The following SLC24A2 variants were observed in gnomAD, a reference collection of about 807,000 sequenced individuals.
The protein encoded by SLC24A2 is sodium/potassium/calcium exchanger 2.
In SLC24A2, 36 loss-of-function variants were observed where a neutral mutation model predicts 62.0. The observed-to-expected ratio is 0.58, with a 90% CI of 0.44 to 0.77. The LOEUF is 0.77. Ranked by LOEUF, SLC24A2 falls within the 30% of genes least tolerant of loss-of-function variation. SLC24A2 has a pLI of 0.00. For synonymous variants in SLC24A2, 358 were observed against 294.0 expected (o/e 1.22, Z -2.23); for missense variants, 846 against 817.9 (o/e 1.03, Z -0.42).
At chr9:20,133,241 T>TACACAC in the SLC24A2 span, among the ~76,000 whole-genome samples, 2 of 150,994 alleles carry the variant, frequency 1.3e-5, no homozygotes, top group Non-Finnish European at 3.0e-5. Flanking sequence ...CATGTATGTA[T>TACACAC]ACACACACAC....
At chr9:19,595,208 G>A (rs1456179074) in intron 5 of SLC24A2, among the ~76,000 whole-genome samples, 4 of 152,182 alleles carry the variant, frequency 2.6e-5, no homozygotes, top group African/African-American at 7.2e-5. Context: ...GAAGTCACGT[G>A]ATAAAGAGAT....
the SLC24A2 span, among the ~76,000 whole-genome samples, chr9:20,121,163 T>C: frequency 5.3e-5 from 8 of 149,994 alleles, 1 homozygote; most frequent in East Asian, 2.0e-4. Flanking sequence ...GAAAAGCCTA[T>C]TGGGATTTCA....
the SLC24A2 span, among the ~76,000 whole-genome samples, chr9:20,053,955 G>A: frequency 1.3e-5 from 2 of 152,204 alleles, no homozygotes; most frequent in Non-Finnish European, 1.5e-5. Flanking sequence ...GCATGTGCAT[G>A]AGCAGCTTAA....
At chr9:19,967,841 G>A in the SLC24A2 span, 1 of 152,106 alleles carries the variant, frequency 6.6e-6, no homozygotes. Context: ...GCACCAGGTG[G>A]GAAAATACAG....
intron 2 of SLC24A2, among the ~76,000 whole-genome samples, chr9:19,648,383 T>G (rs762825281): frequency 2.0e-5 from 3 of 152,160 alleles, no homozygotes; most frequent in Non-Finnish European, 4.4e-5. Flanking sequence ...AAAAAACCCC[T>G]AAATCCCCTG....
At chr9:19,907,757 C>T in the SLC24A2 span, among the ~76,000 whole-genome samples, 1 of 152,174 alleles carries the variant, frequency 6.6e-6, no homozygotes, top group Middle Eastern at 3.4e-3. Context: ...GAATAAAATA[C>T]CTAGGAACCC....
Position 19,516,028 on chromosome 9 carries a change from C to T in SLC24A2, c.*125G>A. 8.3e-7 allele frequency: 1 copy of T among 1,210,500 alleles called. No homozygotes were observed. The highest frequency in any genetic ancestry group is 1.2e-6 in the Non-Finnish European group (1 of 816,998). 75.0% of individuals were successfully genotyped at this position (1,210,500 alleles called of 1,614,324 possible). A position where few individuals can be genotyped will look rare whatever the true frequency, so the allele number is the denominator to read the frequency against. The stretch of plus-strand genomic sequence containing the variant: ...GTGAATCCATCTCTCCTCAAATTCA[C>T]CAAGGAGGGACACTTGGCACCCAGG... On this transcript the variant is annotated 3_prime_UTR_variant, in exon 11 of 11. Coordinates refer to ENST00000341998, the MANE Select transcript of SLC24A2 (RefSeq NM_020344.4).
the SLC24A2 span, among the ~76,000 whole-genome samples, chr9:20,048,046 A>G: frequency 6.6e-6 from 1 of 152,150 alleles, no homozygotes; most frequent in South Asian, 2.1e-4. Flanking sequence ...TTGATTCTTT[A>G]CAGCAGGGAA....
chr9:19,757,579 C>A (rs941438744), intron 2 of SLC24A2, among the ~76,000 whole-genome samples: 2 of 152,134 alleles, frequency 1.3e-5, no homozygotes, highest in Non-Finnish European at 2.9e-5. Context: ...AGGCCCATAA[C>A]TGAAATAAAG....
the SLC24A2 span, among the ~76,000 whole-genome samples, chr9:20,162,827 T>C: frequency 1.3e-5 from 2 of 152,188 alleles, no homozygotes; most frequent in South Asian, 4.1e-4. Context: ...TGGTTCAATA[T>C]ACGCAAAACA....
chr9:20,015,761 T>C, the SLC24A2 span, among the ~76,000 whole-genome samples: 88 of 152,356 alleles, frequency 5.8e-4, 1 homozygote, highest in African/African-American at 2.1e-3. Context: ...AACCTCTCAA[T>C]AGTTCTGGAT....
chr9:20,128,518 T>G, the SLC24A2 span, among the ~76,000 whole-genome samples: 8 of 152,144 alleles, frequency 5.3e-5, no homozygotes, highest in African/African-American at 1.9e-4. Flanking sequence ...TACTCTAATG[T>G]GTTAAAACCA....
the SLC24A2 span, among the ~76,000 whole-genome samples, chr9:20,236,136 A>C: frequency 0.11 from 16,185 of 152,218 alleles, 2,254 homozygotes; most frequent in East Asian, 0.62. Flanking sequence ...TATCAGCAGC[A>C]GTCAAGATCT....
the SLC24A2 span, among the ~76,000 whole-genome samples, chr9:19,799,550 C>A: frequency 3.3e-5 from 5 of 152,244 alleles, no homozygotes; most frequent in South Asian, 6.2e-4. Context: ...ATCTGAAATA[C>A]CTGTCAGCTT....
chr9:19,946,614 GT>G, the SLC24A2 span, among the ~76,000 whole-genome samples: 1 of 152,214 alleles, frequency 6.6e-6, no homozygotes, highest in Non-Finnish European at 1.5e-5. Flanking sequence ...CATCTCCTGA[GT>G]TAATGAGACA....
At chr9:20,260,252 C>T in the SLC24A2 span, among the ~76,000 whole-genome samples, 1 of 152,212 alleles carries the variant, frequency 6.6e-6, no homozygotes, top group Non-Finnish European at 1.5e-5. Flanking sequence ...AGCAAGAAAT[C>T]CATTGCCAAA....
the SLC24A2 span, among the ~76,000 whole-genome samples, chr9:20,251,793 A>G: frequency 3.3e-5 from 5 of 152,214 alleles, no homozygotes; most frequent in Admixed American, 6.5e-5. Flanking sequence ...TGATTCTCCA[A>G]GATCCCTCTG....
chr9:19,560,897 G>GTGTGTGTATATA (rs1287721646), intron 7 of SLC24A2, among the ~76,000 whole-genome samples: 1 of 128,498 alleles, frequency 7.8e-6, no homozygotes, highest in African/African-American at 2.9e-5. Context: ...GTGTGTGTGT[G>GTGTGTGTATATA]TATATATATA....
chr9:19,832,038 G>A, the SLC24A2 span, among the ~76,000 whole-genome samples: 2 of 152,288 alleles, frequency 1.3e-5, no homozygotes, highest in African/African-American at 4.8e-5. Context: ...GTCTGTAGTA[G>A]TGCAATAGAT....
Sources: gnomAD v4.1 joint callset for allele counts (sites outside exome capture counted in the v4.1 genomes callset) on GRCh38, gnomAD v4.1.1 for gene constraint, MANE v1.5 for transcripts, NCBI Gene and HGNC (gene_info 2026-07-23, HGNC 2026-07-21) for gene names.